Variants in FAT3 observed in about 807,000 individuals in gnomAD.
The protein encoded by FAT3 is FAT atypical cadherin 3, also known as protocadherin Fat 3.
FAT3 carries 95 observed loss-of-function variants against 310.2 expected under a neutral mutation model. The ratio of observed to expected loss-of-function variants is 0.31; its 90% CI spans 0.26 to 0.36. The LOEUF (loss-of-function observed/expected upper bound fraction) is 0.36, where lower values mean the gene tolerates loss of function less well. Ranked by LOEUF, FAT3 falls within the 10% of genes least tolerant of loss-of-function variation. The pLI is 1.00. For synonymous variants in FAT3, 2,314 were observed against 2,192.9 expected (o/e 1.06, Z -1.54); for missense variants, 5,408 against 5,715.6 (o/e 0.95, Z 1.74).
At chr11:92,471,157 A>G (rs1951893457) in intron 2 of FAT3, among the ~76,000 whole-genome samples, 2 of 152,152 alleles carry the variant, frequency 1.3e-5, no homozygotes, top group Admixed American at 6.6e-5. Flanking sequence ...ATATTTTCCT[A>G]TTATAAGCAA....
rs1002147076 is a variant in FAT3 at position 92,378,135 on chromosome 11, C to T, written c.3292+22731C>T. Among the ~76,000 whole-genome samples the T allele has an allele frequency of 2.0e-5, 3 of 152,154 alleles. No individual in the cohort carries two copies. The East Asian group carries it at 5.8e-4, about 29-fold the overall frequency. On this transcript the variant is annotated intron_variant, in intron 2 of 27. Transcript: ENST00000525166. ...AATAATGTTCACTGTGTCATTGACC[C>T]TAGGAAGGATTTTAGCTTACATTTA...
chr11:92,341,527 A>G (rs1948261807), intron 1 of FAT3, among the ~76,000 whole-genome samples: 1 of 152,230 alleles, frequency 6.6e-6, no homozygotes, highest in South Asian at 2.1e-4. Context: ...CACAGTTTTC[A>G]GTGATGGTAA....
At chr11:92,576,544 T>A (rs1938495232) in intron 3 of FAT3, among the ~76,000 whole-genome samples, 2 of 152,146 alleles carry the variant, frequency 1.3e-5, no homozygotes, top group African/African-American at 2.4e-5. Flanking sequence ...GATAATCGAT[T>A]CAAATTCTAG....
chr11:92,724,662 C>A (rs1944951636), intron 4 of FAT3, among the ~76,000 whole-genome samples: 1 of 152,204 alleles, frequency 6.6e-6, no homozygotes, highest in Admixed American at 6.5e-5. Context: ...GTTAAGTACA[C>A]ACTCACAGTA....
At chr11:92,476,640 C>T (rs1185182099) in intron 2 of FAT3, among the ~76,000 whole-genome samples, 1 of 152,144 alleles carries the variant, frequency 6.6e-6, no homozygotes, top group Non-Finnish European at 1.5e-5. Flanking sequence ...AATAAATGGG[C>T]TGTGTGAAAA....
chr11:92,835,148 G>A, intron 15 of FAT3, 64 bp downstream of exon 15: 7 of 1,410,994 alleles, frequency 5.0e-6, no homozygotes, highest in Non-Finnish European at 6.8e-6. Context: ...ATAAAGTGAA[G>A]AAGAAAGCAA....
intron 1 of FAT3, among the ~76,000 whole-genome samples, chr11:92,235,667 A>T (rs1864388548): frequency 6.6e-6 from 1 of 152,202 alleles, no homozygotes; most frequent in Non-Finnish European, 1.5e-5. Flanking sequence ...AGCTATTAAG[A>T]CTGCGTTATG....
intron 1 of FAT3, among the ~76,000 whole-genome samples, chr11:92,300,012 T>C (rs1946953830): frequency 6.6e-6 from 1 of 152,132 alleles, no homozygotes; most frequent in Non-Finnish European, 1.5e-5. Flanking sequence ...ATTAACTAAA[T>C]CTCTGTGCCA....
chr11:92,542,209 A>T (rs76973878), intron 3 of FAT3, among the ~76,000 whole-genome samples: 22,989 of 152,060 alleles, frequency 0.15, 1,929 homozygotes, highest in East Asian at 0.29. Flanking sequence ...AAAGACTTAA[A>T]TGTAAGACCC....
chr11:92,709,356 A>G (rs1174331401), intron 4 of FAT3, among the ~76,000 whole-genome samples: 2 of 152,220 alleles, frequency 1.3e-5, no homozygotes, highest in Non-Finnish European at 2.9e-5. Flanking sequence ...AGCCCACAGC[A>G]TGGTTAATAT....
Position 92,725,937 on chromosome 11 carries a change from T to G in FAT3, c.3669+28492T>G, listed in dbSNP as rs1013011602. 3.3e-5 allele frequency among the ~76,000 whole-genome samples: 5 copies of G among 152,142 alleles called. No individual in the cohort carries two copies. In the East Asian group the frequency reaches 9.6e-4, roughly 29 times the overall value. ...TTATTTTTTTTTAGTTTTTAAAAAT[T>G]TATCATTTAAAAGCATGTTTAATCA... On this transcript the variant is annotated intron_variant, in intron 4 of 27. Coordinates refer to ENST00000525166, the MANE Select transcript of FAT3 (RefSeq NM_001367949.2).
chr11:92,362,576 G>T (rs1948910650), intron 2 of FAT3, among the ~76,000 whole-genome samples: 1 of 152,136 alleles, frequency 6.6e-6, no homozygotes. Context: ...CTCCACAGAT[G>T]GGTGGAACAG....
intron 3 of FAT3, among the ~76,000 whole-genome samples, chr11:92,628,978 G>A (rs1284760815): frequency 1.3e-5 from 2 of 152,208 alleles, no homozygotes; most frequent in African/African-American, 4.8e-5. Context: ...AGGGAGTAGT[G>A]CATTAAGCTT....
At chr11:92,350,064 A>G (rs1207607554) in intron 1 of FAT3, among the ~76,000 whole-genome samples, 1 of 151,880 alleles carries the variant, frequency 6.6e-6, no homozygotes, top group Admixed American at 6.6e-5. Context: ...ATCAATGACT[A>G]TTAAATTTAG....
At chr11:92,301,657 A>G (rs1158576021) in intron 1 of FAT3, among the ~76,000 whole-genome samples, 1 of 152,112 alleles carries the variant, frequency 6.6e-6, no homozygotes, top group Non-Finnish European at 1.5e-5. Flanking sequence ...GGGGATCACA[A>G]CAGCCAGTTA....
chr11:92,857,451 A>C, intron 20 of FAT3, 103 bp downstream of exon 20: 4 of 1,494,756 alleles, frequency 2.7e-6, no homozygotes, highest in Non-Finnish European at 3.6e-6. Context: ...ACGTTTCTTT[A>C]TGCATGCAAC....
chr11:92,445,748 G>T (rs1164042215), intron 2 of FAT3, among the ~76,000 whole-genome samples: 4 of 152,074 alleles, frequency 2.6e-5, no homozygotes, highest in Non-Finnish European at 5.9e-5. Context: ...TTTTGGGGGG[G>T]TGCAGGGGAG....
intron 3 of FAT3, among the ~76,000 whole-genome samples, chr11:92,678,833 C>T (rs1320803123): frequency 2.0e-5 from 3 of 152,062 alleles, no homozygotes. Context: ...TTATGTGGTA[C>T]ATGTGCAATT....
At chr11:92,822,978 C>T (rs897440998) in intron 13 of FAT3, among the ~76,000 whole-genome samples, 4 of 152,300 alleles carry the variant, frequency 2.6e-5, no homozygotes, top group Admixed American at 2.0e-4. Flanking sequence ...CCTATCTTTC[C>T]TTCAGGACTC....
Sources: gnomAD v4.1 joint callset for allele counts (sites outside exome capture counted in the v4.1 genomes callset) on GRCh38, gnomAD v4.1.1 for gene constraint, MANE v1.5 for transcripts, NCBI Gene and HGNC (gene_info 2026-07-23, HGNC 2026-07-21) for gene names.